The following SYT1 variants were observed in gnomAD, a reference collection of about 807,000 sequenced individuals.
The protein encoded by SYT1 is synaptotagmin 1.
In SYT1, 8 loss-of-function variants were observed where a neutral mutation model predicts 44.8. That is an observed-to-expected ratio of 0.18 (90% CI 0.10 to 0.32). The LOEUF (loss-of-function observed/expected upper bound fraction) is 0.32. SYT1 is among the 10% of genes least tolerant of loss of function. The pLI, the probability that SYT1 is intolerant of heterozygous loss-of-function variation, is 1.00. For synonymous variants in SYT1, 154 were observed against 188.8 expected, an observed-to-expected ratio of 0.82 and a Z score of 1.51; for missense variants, 286 against 509.3, an observed-to-expected ratio of 0.56 and a Z score of 4.22.
chr12:79,327,133 C>T (rs528607393), intron 8 of SYT1, among the ~76,000 whole-genome samples: 38 of 151,864 alleles, frequency 2.5e-4, no homozygotes, highest in African/African-American at 8.5e-4. Context: ...TAGGCAACAT[C>T]CCATAGTAAT....
chr12:79,172,969 CAAAAAAAAAAAAAAAAAAAA>C (rs200575966), intron 3 of SYT1, among the ~76,000 whole-genome samples: 52 of 15,728 alleles, frequency 3.3e-3, no homozygotes, highest in African/African-American at 9.7e-3. Flanking sequence ...TTCCTGCTCT[CAAAAAAAAAAAAAAAAAAAA>C]AAAAAAAAAA....
At chr12:79,206,175 T>C (rs549812137) in intron 3 of SYT1, among the ~76,000 whole-genome samples, 1 of 152,378 alleles carries the variant, frequency 6.6e-6, no homozygotes, top group East Asian at 1.9e-4. Context: ...AATTGGTTAA[T>C]GAATTTCTAA....
intron 3 of SYT1, among the ~76,000 whole-genome samples, chr12:79,065,152 C>T (rs911197028): frequency 2.0e-5 from 3 of 152,148 alleles, no homozygotes; most frequent in Admixed American, 1.3e-4. Flanking sequence ...GTGGGTGAAT[C>T]GCTTCAGCCC....
In SYT1 at chr12:79,378,265, C is replaced by G. The variant is rs531744524; in HGVS notation, c.928+24646C>G. Among the ~76,000 whole-genome samples the G allele has an allele frequency of 2.6e-4, 39 of 152,264 alleles. 1 individual carries two copies. Among genetic ancestry groups the G allele is most frequent in the Middle Eastern group, 3.4e-3 (1 of 294 alleles). ...TCCAACCCCAGTTTACAGATGTGTG[C>G]CTTTTTCCAGGATAAATTTGGAAAC... On this transcript the variant is annotated intron_variant, in intron 9 of 10. Coordinates refer to ENST00000261205, the MANE Select transcript of SYT1 (RefSeq NM_005639.3).
rs549702265 is a variant in SYT1 at position 79,200,307 on chromosome 12, A to G, written c.-17-17196A>G. Among the ~76,000 whole-genome samples the G allele has an allele frequency of 1.8e-4, 28 of 152,242 alleles. No individual in the cohort carries two copies. The East Asian group carries it at 3.7e-3, about 20-fold the overall frequency. On this transcript the variant is annotated intron_variant, in intron 3 of 10. Transcript: ENST00000261205. ...AGCCATTTTCCCCAGCTGGCCCTTG[A>G]TAGTCTAACAAATTGCCAAAGGATT...
intron 3 of SYT1, among the ~76,000 whole-genome samples, chr12:79,150,860 G>C (rs1330417948): frequency 2.6e-5 from 4 of 152,178 alleles, no homozygotes; most frequent in African/African-American, 9.7e-5. Context: ...GAAGAAAGGA[G>C]AAACAGCCAG....
intron 3 of SYT1, among the ~76,000 whole-genome samples, chr12:79,206,973 A>G (rs1017304353): frequency 1.3e-5 from 2 of 152,216 alleles, no homozygotes; most frequent in Non-Finnish European, 2.9e-5. Context: ...TGGCTTCACC[A>G]CTTATTAACT....
At chr12:79,309,857 G>A (rs1880678131) in intron 8 of SYT1, among the ~76,000 whole-genome samples, 1 of 152,128 alleles carries the variant, frequency 6.6e-6, no homozygotes, top group African/African-American at 2.4e-5. Context: ...GTTTGGGGAT[G>A]GGGTTGTTTG....
At chr12:78,980,746 A>G (rs1460781799) in intron 2 of SYT1, among the ~76,000 whole-genome samples, 2 of 152,202 alleles carry the variant, frequency 1.3e-5, no homozygotes, top group Non-Finnish European at 2.9e-5. Flanking sequence ...GATCGTCAAA[A>G]TTAAGCCAAT....
chr12:78,933,102 C>A (rs574761529), intron 1 of SYT1, among the ~76,000 whole-genome samples: 2 of 152,296 alleles, frequency 1.3e-5, no homozygotes, highest in South Asian at 4.1e-4. Context: ...ACTTACTCTT[C>A]TCGACTTTGA....
At chr12:78,871,263 A>G (rs3911785) in intron 1 of SYT1, among the ~76,000 whole-genome samples, 10,210 of 152,086 alleles carry the variant, frequency 0.067, 648 homozygotes, top group African/African-American at 0.17. Flanking sequence ...CTTTTAGGAT[A>G]GATTATTAAT....
chr12:78,906,271 G>A (rs1329386015), intron 1 of SYT1, among the ~76,000 whole-genome samples: 1 of 151,994 alleles, frequency 6.6e-6, no homozygotes, highest in African/African-American at 2.4e-5. Context: ...TTTTGTGTAT[G>A]TATTCAAAAA....
intron 3 of SYT1, among the ~76,000 whole-genome samples, chr12:79,187,504 T>A (rs1277481254): frequency 6.6e-6 from 1 of 152,122 alleles, no homozygotes. Flanking sequence ...CCGGATTTCA[T>A]ACATTCACAT....
At chr12:79,053,096 T>A (rs1874645465) in intron 3 of SYT1, among the ~76,000 whole-genome samples, 1 of 152,096 alleles carries the variant, frequency 6.6e-6, no homozygotes, top group Non-Finnish European at 1.5e-5. Context: ...AGCAAAGACT[T>A]GGAACCAACC....
At chr12:79,287,051 C>T (rs1435912594) in intron 5 of SYT1, among the ~76,000 whole-genome samples, 2 of 152,118 alleles carry the variant, frequency 1.3e-5, no homozygotes, top group East Asian at 1.9e-4. Context: ...AGTACATTTG[C>T]GTTGTTTCCT....
chr12:79,002,247 A>C (rs1363922434), intron 2 of SYT1, among the ~76,000 whole-genome samples: 4 of 152,136 alleles, frequency 2.6e-5, no homozygotes, highest in Non-Finnish European at 5.9e-5. Context: ...AGCAAGAACA[A>C]AGTGCATCAA....
At chr12:79,059,508 A>G (rs888770917) in intron 3 of SYT1, among the ~76,000 whole-genome samples, 1 of 152,110 alleles carries the variant, frequency 6.6e-6, no homozygotes, top group African/African-American at 2.4e-5. Context: ...TGTTAGTTAT[A>G]ACATTCCTTA....
intron 3 of SYT1, among the ~76,000 whole-genome samples, chr12:79,196,016 C>G (rs1873429296): frequency 6.6e-6 from 1 of 152,116 alleles, no homozygotes; most frequent in Admixed American, 6.5e-5. Flanking sequence ...TATTATGCAG[C>G]TTCTGTGTGC....
intron 3 of SYT1, among the ~76,000 whole-genome samples, chr12:79,076,407 A>AAAAACTCC (rs1207736690): frequency 6.6e-6 from 1 of 152,200 alleles, no homozygotes; most frequent in African/African-American, 2.4e-5. Flanking sequence ...ATATTTAAAA[A>AAAAACTCC]ATAGAATGTT....
Sources: allele counts gnomAD v4.1 joint callset (sites outside exome capture counted in the v4.1 genomes callset), GRCh38; gene constraint gnomAD v4.1.1; transcripts MANE v1.5; gene names NCBI Gene and HGNC (gene_info 2026-07-23, HGNC 2026-07-21).